Variants in OPRM1 observed in about 807,000 individuals in gnomAD.
OPRM1 encodes mu-type opioid receptor.
OPRM1 carries 27 observed loss-of-function variants against 31.8 expected under a neutral mutation model. The ratio of observed to expected loss-of-function variants is 0.85; its 90% CI spans 0.63 to 1.17. The LOEUF (loss-of-function observed/expected upper bound fraction) is 1.17, where lower values mean the gene tolerates loss of function less well. OPRM1 is among the 50% of genes most tolerant of loss of function. The pLI, the probability that OPRM1 is intolerant of heterozygous loss-of-function variation, is 0.00. For missense variants in OPRM1, 536 were observed against 511.1 expected, an observed-to-expected ratio of 1.05 and a Z score of -0.47; for synonymous variants, 196 against 189.9, an observed-to-expected ratio of 1.03 and a Z score of -0.26.
chr6:154,099,891 ATATAT>A (rs1391378933), intron 3 of OPRM1, among the ~76,000 whole-genome samples: 18 of 145,486 alleles, frequency 1.2e-4, no homozygotes, highest in African/African-American at 4.0e-4. Context: ...ATAACATATT[ATATAT>A]TATATTATGA....
chr6:154,019,747 C>CTT (rs373120574), intron 1 of OPRM1, among the ~76,000 whole-genome samples: 60 of 121,974 alleles, frequency 4.9e-4, no homozygotes, highest in African/African-American at 1.1e-3. Context: ...CTTTTCTTTT[C>CTT]TTTTTTTTTT....
intron 3 of OPRM1, among the ~76,000 whole-genome samples, chr6:154,151,685 C>T (rs1798502113): frequency 1.3e-5 from 2 of 152,084 alleles, no homozygotes; most frequent in South Asian, 4.2e-4. Flanking sequence ...AATCTCCAGG[C>T]ACCCTGTTTG....
At position 154,125,722 on chromosome 6, in the gene OPRM1, C is replaced by T. The variant is rs766856826; in HGVS notation, c.*7001C>T. Among the ~76,000 whole-genome samples, 5 of 152,026 alleles carry T rather than the reference C, an allele frequency of 3.3e-5. No homozygotes were observed. The highest frequency in any genetic ancestry group is 4.8e-5 in the African/African-American group (2 of 41,330). The stretch of plus-strand genomic sequence containing the variant: ...CCCATTTGCTTTAAAGTCTCTTAAA[C>T]TTACGCTCTTTCGCTTCAAATGCAT... On this transcript the variant is annotated 3_prime_UTR_variant, in exon 4 of 4. Coordinates refer to ENST00000330432, the MANE Select transcript of OPRM1 (RefSeq NM_000914.5).
At chr6:154,188,908 C>A (rs1801618361) in intron 3 of OPRM1, among the ~76,000 whole-genome samples, 1 of 151,796 alleles carries the variant, frequency 6.6e-6, no homozygotes, top group Non-Finnish European at 1.5e-5. Flanking sequence ...CTTTAAGATA[C>A]CAGTGTAGGG....
intron 3 of OPRM1, among the ~76,000 whole-genome samples, chr6:154,097,344 C>G (rs1793568501): frequency 6.6e-6 from 1 of 152,134 alleles, no homozygotes; most frequent in South Asian, 2.1e-4. Context: ...CCCAGCTAAA[C>G]TAAAAGCAGA....
At chr6:154,023,136 T>G (rs982969330) in intron 1 of OPRM1, among the ~76,000 whole-genome samples, 1 of 152,250 alleles carries the variant, frequency 6.6e-6, no homozygotes, top group African/African-American at 2.4e-5. Context: ...TAGATTGATG[T>G]CAGTAGTATG....
intron 1 of OPRM1, chr6:154,086,905 A>G: frequency 1.0e-6 from 1 of 984,254 alleles, no homozygotes; most frequent in Non-Finnish European, 1.2e-6. Flanking sequence ...AAAATGTTTC[A>G]ACTTCTTGAG....
At chr6:154,145,046 A>C (rs1798323515) in intron 3 of OPRM1, among the ~76,000 whole-genome samples, 1 of 142,306 alleles carries the variant, frequency 7.0e-6, no homozygotes. Context: ...TTAATGGTGA[A>C]AGACTGGATG....
At chr6:154,113,043 T>C (rs1796506425) in intron 3 of OPRM1, among the ~76,000 whole-genome samples, 1 of 152,224 alleles carries the variant, frequency 6.6e-6, no homozygotes, top group Middle Eastern at 3.2e-3. Context: ...ACCGTGGATA[T>C]TAATCCAAAC....
intron 1 of OPRM1, among the ~76,000 whole-genome samples, chr6:154,028,723 T>G (rs771256536): frequency 2.6e-4 from 40 of 152,122 alleles, no homozygotes; most frequent in Non-Finnish European, 4.6e-4. Context: ...CGGTTCTGTT[T>G]TCTGTTATAA....
rs889417442 is a variant in OPRM1, at chr6:154,123,817, T to A, written c.*5096T>A. 6.6e-6 allele frequency among the ~76,000 whole-genome samples: 1 copy of A among 152,102 alleles called. No individual in the cohort carries two copies. The highest frequency in any genetic ancestry group is 2.4e-5 in the African/African-American group (1 of 41,396). The stretch of plus-strand genomic sequence containing the variant: ...TGCAATATAATTAGTGTATAATGAG[T>A]AGTGAGGACAACCAGAGGTAACTTT... On this transcript the variant is annotated 3_prime_UTR_variant, in exon 4 of 4. Transcript: ENST00000330432.
rs1776359593 is a variant in OPRM1 at position 154,193,849 on chromosome 6, A to G, written c.1165-52844A>G. Among the ~76,000 whole-genome samples, 9 of 152,204 alleles carry G rather than the reference A, an allele frequency of 5.9e-5. No homozygotes were observed. The South Asian group carries it at 1.9e-3, about 31-fold the overall frequency. ...ACAATACTCCCTATTTTTTTCTTCC[A>G]ATGCTGTTTTCCATACTCTATACAG... On this transcript the variant is annotated intron_variant, in intron 3 of 3. Coordinates refer to the OPRM1 transcript ENST00000337049.
At chr6:154,067,330 T>G (rs1785643618) in intron 1 of OPRM1, among the ~76,000 whole-genome samples, 1 of 151,972 alleles carries the variant, frequency 6.6e-6, no homozygotes, top group African/African-American at 2.4e-5. Flanking sequence ...ATCATAAAAA[T>G]TTCAGTGTGT....
intron 3 of OPRM1, chr6:154,222,900 T>G: frequency 4.3e-6 from 2 of 466,006 alleles, no homozygotes; most frequent in South Asian, 2.7e-5. Flanking sequence ...CTGGAGGGGG[T>G]TTATTCCATC....
intron 1 of OPRM1, among the ~76,000 whole-genome samples, chr6:154,076,972 A>T (rs975496577): frequency 2.0e-5 from 3 of 152,230 alleles, no homozygotes; most frequent in Non-Finnish European, 4.4e-5. Flanking sequence ...AATGAAAATT[A>T]TAAAACATAA....
intron 3 of OPRM1, among the ~76,000 whole-genome samples, chr6:154,193,196 A>G (rs573402992): frequency 6.6e-6 from 1 of 152,346 alleles, no homozygotes; most frequent in African/African-American, 2.4e-5. Context: ...CATAAAAAGG[A>G]ACGAAATAAT....
In OPRM1 at chr6:154,174,221, C is replaced by T. The variant is rs1800111415; in HGVS notation, c.1165-72472C>T. ...TGGTACCAGCCACTGCAAAAACATG[C>T]CAAATTGTAAAGACCATCAATGCTA... is the stretch of plus-strand genomic sequence containing the variant. On this transcript the variant is annotated intron_variant, in intron 3 of 3. Transcript: ENST00000337049. Among the ~76,000 whole-genome samples, 2 of 152,088 alleles carry T rather than the reference C, an allele frequency of 1.3e-5. 1 individual carries two copies. Among genetic ancestry groups the T allele is most frequent in the South Asian group, 4.1e-4 (2 of 4,830 alleles).
intron 1 of OPRM1, among the ~76,000 whole-genome samples, chr6:154,063,739 A>C (rs1358013138): frequency 6.6e-6 from 1 of 152,084 alleles, no homozygotes; most frequent in African/African-American, 2.4e-5. Context: ...CTAATATAAG[A>C]AGAATCATAT....
intron 1 of OPRM1, among the ~76,000 whole-genome samples, chr6:154,064,027 T>A (rs999661851): frequency 6.6e-6 from 1 of 152,094 alleles, no homozygotes; most frequent in Non-Finnish European, 1.5e-5. Flanking sequence ...TAATTCTGTT[T>A]TTAATTTTTT....
Sources: allele counts gnomAD v4.1 joint callset (sites outside exome capture counted in the v4.1 genomes callset), GRCh38; gene constraint gnomAD v4.1.1; transcripts MANE v1.5; gene names NCBI Gene and HGNC (gene_info 2026-07-23, HGNC 2026-07-21).